Variants in NSUN3 observed in about 807,000 individuals in gnomAD.
NSUN3 encodes NOP2/Sun RNA methyltransferase 3.
NSUN3 carries 24 observed loss-of-function variants against 36.8 expected under a neutral mutation model. The ratio of observed to expected loss-of-function variants is 0.65; its 90% CI spans 0.47 to 0.92. The LOEUF is 0.92. Among genes scored for constraint, NSUN3 ranks in the 40% least tolerant of loss-of-function variants. NSUN3 has a pLI of 0.00. For missense variants in NSUN3, 381 were observed against 392.8 expected, an observed-to-expected ratio of 0.97 and a Z score of 0.25; for synonymous variants, 146 against 145.2, an observed-to-expected ratio of 1.01 and a Z score of -0.04.
intron 5 of NSUN3, among the ~76,000 whole-genome samples, chr3:94,120,339 TTCACA>T (rs2077456150): frequency 6.6e-6 from 1 of 152,220 alleles, no homozygotes; most frequent in Admixed American, 6.5e-5. Context: ...GTTAAGTACA[TTCACA>T]TTGTTGTACT....
intron 5 of NSUN3, among the ~76,000 whole-genome samples, chr3:94,116,250 A>G (rs2077439754): frequency 6.6e-6 from 1 of 152,184 alleles, no homozygotes; most frequent in African/African-American, 2.4e-5. Flanking sequence ...AAGGCTTTTG[A>G]GGCATGATTC....
intron 5 of NSUN3, among the ~76,000 whole-genome samples, chr3:94,121,601 A>G (rs1482517337): frequency 6.6e-6 from 1 of 151,990 alleles, no homozygotes; most frequent in Non-Finnish European, 1.5e-5. Context: ...TTTTGTTTCC[A>G]TGGGGAATAT....
At chr3:94,078,775 C>A (rs1333172535) in intron 2 of NSUN3, among the ~76,000 whole-genome samples, 1 of 152,126 alleles carries the variant, frequency 6.6e-6, no homozygotes, top group African/African-American at 2.4e-5. Flanking sequence ...TTTTTGCTTT[C>A]CATTTGCTTG....
intron 5 of NSUN3, among the ~76,000 whole-genome samples, chr3:94,109,595 C>T (rs147413994): frequency 3.3e-5 from 5 of 152,296 alleles, no homozygotes; most frequent in East Asian, 1.9e-4. Flanking sequence ...AGATGAAACA[C>T]GTCTCTTCTC....
At chr3:94,115,554 G>C (rs540249373) in intron 5 of NSUN3, among the ~76,000 whole-genome samples, 2 of 152,146 alleles carry the variant, frequency 1.3e-5, no homozygotes, top group Non-Finnish European at 2.9e-5. Flanking sequence ...GCGAGACAGC[G>C]ATTGTGACTT....
intron 3 of NSUN3, among the ~76,000 whole-genome samples, chr3:94,092,104 G>T (rs1387153673): frequency 6.6e-6 from 1 of 152,142 alleles, no homozygotes; most frequent in Non-Finnish European, 1.5e-5. Flanking sequence ...TTTAGCAGTT[G>T]CCTGAAGGGG....
At chr3:94,072,097 G>A (rs1299961558) in intron 2 of NSUN3, among the ~76,000 whole-genome samples, 1 of 152,156 alleles carries the variant, frequency 6.6e-6, no homozygotes, top group Non-Finnish European at 1.5e-5. Flanking sequence ...TTGGTCTGTT[G>A]CAGCTGCTTC....
At chr3:94,069,113 T>C (rs1443767409) in intron 2 of NSUN3, among the ~76,000 whole-genome samples, 1 of 152,182 alleles carries the variant, frequency 6.6e-6, no homozygotes, top group African/African-American at 2.4e-5. Flanking sequence ...GTTGCATCCT[T>C]CCAAATGTAT....
intron 5 of NSUN3, among the ~76,000 whole-genome samples, chr3:94,113,127 G>A (rs1450371013): frequency 6.6e-6 from 1 of 152,130 alleles, no homozygotes; most frequent in African/African-American, 2.4e-5. Flanking sequence ...GCCTCCCAAA[G>A]TGCTGGGATT....
intron 5 of NSUN3, among the ~76,000 whole-genome samples, chr3:94,115,516 T>G (rs971891840): frequency 6.6e-6 from 1 of 152,222 alleles, no homozygotes; most frequent in Non-Finnish European, 1.5e-5. Flanking sequence ...CATGTATGAT[T>G]CTTTTACTTC....
intron 5 of NSUN3, among the ~76,000 whole-genome samples, chr3:94,117,143 C>G (rs1342385808): frequency 1.3e-5 from 2 of 151,620 alleles, no homozygotes; most frequent in Non-Finnish European, 2.9e-5. Flanking sequence ...GGGTTATAGG[C>G]GCACGCCACC....
intron 2 of NSUN3, 44 bp from the exon 3 acceptor site, chr3:94,084,063 G>T (rs771240569): frequency 1.3e-5 from 18 of 1,367,844 alleles, no homozygotes; most frequent in East Asian, 9.5e-5. Flanking sequence ...GTATTGGTAT[G>T]TATCATATTA....
intron 2 of NSUN3, chr3:94,077,116 T>C: frequency 2.6e-6 from 2 of 762,544 alleles, no homozygotes; most frequent in Non-Finnish European, 4.9e-6. Flanking sequence ...TATTTTGTAC[T>C]CCTTATGGAT....
chr3:94,125,449 T>C (rs570295532), intron 5 of NSUN3, among the ~76,000 whole-genome samples: 2 of 152,322 alleles, frequency 1.3e-5, no homozygotes, highest in Non-Finnish European at 2.9e-5. Context: ...CTAAAACCCA[T>C]AGTGGCTGCC....
At chr3:94,090,918 C>T (rs2077312279) in intron 3 of NSUN3, among the ~76,000 whole-genome samples, 1 of 152,136 alleles carries the variant, frequency 6.6e-6, no homozygotes. Context: ...AGCTGGGATT[C>T]AAAGTGCTAT....
chr3:94,120,278 A>G (rs960235996), intron 5 of NSUN3, among the ~76,000 whole-genome samples: 5 of 152,252 alleles, frequency 3.3e-5, no homozygotes, highest in Non-Finnish European at 7.3e-5. Flanking sequence ...TTAAAAATAC[A>G]TAACATAAAA....
intron 1 of NSUN3, 151 bp downstream of exon 1, chr3:94,063,289 C>T (rs1319702939): frequency 2.5e-6 from 2 of 814,176 alleles, no homozygotes; most frequent in Non-Finnish European, 4.2e-6. Flanking sequence ...CTGTCAAGCC[C>T]TGAAATAATG....
In NSUN3 at chr3:94,127,270, G is replaced by A. The variant is rs1374059285; in HGVS notation, c.*780G>A. 6.6e-6 allele frequency: 1 copy of A among 152,168 alleles called. No homozygotes were observed. Among genetic ancestry groups the A allele is most frequent in the Non-Finnish European group, 1.5e-5 (1 of 68,046 alleles). The allele number at this position is 152,168 out of a possible 1,614,324, so 9.4% of individuals were successfully genotyped here. On this transcript the variant is annotated 3_prime_UTR_variant, in exon 6 of 6. Coordinates refer to ENST00000314622, the MANE Select transcript of NSUN3 (RefSeq NM_022072.5). Reference sequence around the variant, plus strand: ...GACAAAACCGGAATGATTAATAACTGCAATCACTGAACTATATTTGGAGAG... The same window carrying A: ...GACAAAACCGGAATGATTAATAACTACAATCACTGAACTATATTTGGAGAG...
chr3:94,082,057 G>T (rs1364924079), intron 2 of NSUN3: 1 of 152,148 alleles, frequency 6.6e-6, no homozygotes, highest in Non-Finnish European at 1.5e-5. Flanking sequence ...TAGCTGATGG[G>T]TAGGCACATG....
Sources: gnomAD v4.1 joint callset for allele counts (sites outside exome capture counted in the v4.1 genomes callset) on GRCh38, gnomAD v4.1.1 for gene constraint, MANE v1.5 for transcripts, NCBI Gene and HGNC (gene_info 2026-07-23, HGNC 2026-07-21) for gene names.